Variants in GRIK5 observed in about 807,000 individuals in gnomAD.
GRIK5 encodes the protein glutamate receptor ionotropic, kainate 5.
A neutral mutation model predicts 97.4 loss-of-function variants in GRIK5; 43 were observed. The ratio of observed to expected loss-of-function variants is 0.44; its 90% CI spans 0.35 to 0.57. The LOEUF (loss-of-function observed/expected upper bound fraction) is 0.57, where lower values mean the gene tolerates loss of function less well. GRIK5 is among the 20% of genes least tolerant of loss of function. GRIK5 has a pLI of 0.01. For synonymous variants in GRIK5, 580 were observed against 583.5 expected, an observed-to-expected ratio of 0.99 and a Z score of 0.09; for missense variants, 1,015 against 1,382.0, an observed-to-expected ratio of 0.73 and a Z score of 4.21.
At chr19:42,060,167 A>C (rs757962232) in intron 5 of GRIK5, among the ~76,000 whole-genome samples, 10 of 151,810 alleles carry the variant, frequency 6.6e-5, no homozygotes, top group Non-Finnish European at 1.3e-4. Context: ...AATCTGCCCA[A>C]CTCAACCCCT....
intron 12 of GRIK5, among the ~76,000 whole-genome samples, chr19:42,026,706 T>A (rs2075776191): frequency 6.6e-6 from 1 of 151,868 alleles, no homozygotes; most frequent in Non-Finnish European, 1.5e-5. Context: ...GTAGCTGGGA[T>A]TACAGGTGAA....
intron 12 of GRIK5, among the ~76,000 whole-genome samples, chr19:42,036,450 T>C (rs2075906521): frequency 6.6e-6 from 1 of 151,998 alleles, no homozygotes; most frequent in Non-Finnish European, 1.5e-5. Flanking sequence ...CCTCCCAGAC[T>C]CAGGTGATCC....
Position 41,999,009 on chromosome 19 carries a change from C to T in GRIK5, c.2805G>A (p.Glu935=), listed in dbSNP as rs1471250203. ...CCCGCAGCGCCTGGATGCGCCGGCA[C>T]TCCTGGCAGACGCGCACGTGGGTGC... ...TPCTHVRVCQ[E]CRRIQALRAS... Residue 935 remains glutamate (E), a synonymous_variant, in exon 20 of 20, where the codon GAG becomes GAA. Transcript: ENST00000593562. The surrounding 1 kb of genome is among the most constrained non-coding windows in gnomAD (Gnocchi z 5.0). 1.2e-5 allele frequency: 15 copies of T among 1,234,264 alleles called. No individual in the cohort carries two copies. The highest frequency in any genetic ancestry group is 1.5e-5 in the Non-Finnish European group (15 of 982,962). 76.5% of individuals were successfully genotyped at this position (1,234,264 alleles called of 1,614,324 possible). A position where few individuals can be genotyped will look rare whatever the true frequency, so the allele number is the denominator to read the frequency against.
rs1348802893 is a variant in GRIK5, at chr19:42,069,962, G to A, written c.-772C>T. Among the ~76,000 whole-genome samples the A allele has an allele frequency of 6.6e-6, 1 of 151,844 alleles. No homozygotes were observed. Among genetic ancestry groups the A allele is most frequent in the Admixed American group, 6.5e-5 (1 of 15,280 alleles). ...TAGGGAGGAGGGAGAGGAGGATGGA[G>A]AGGAGCAGGTGGAAGAGAAAGGCGG... On this transcript the variant is annotated 5_prime_UTR_variant, in exon 1 of 20. Transcript: ENST00000593562.
At chr19:42,068,729 G>A (rs759584062) in intron 1 of GRIK5, 4 of 501,532 alleles carry the variant, frequency 8.0e-6, no homozygotes, top group Admixed American at 3.6e-5. Flanking sequence ...GAGCAACCTG[G>A]GCTAACAGCA....
In GRIK5 at chr19:42,065,399, C is replaced by T. The variant is rs376268810; in HGVS notation, c.80-12G>A. Reference sequence around the variant, plus strand: ...ATCCAGGATTGCAGCTGAGGGGACACATGGGTTGGGGACCAGACTCCTGAG... The same window carrying T: ...ATCCAGGATTGCAGCTGAGGGGACATATGGGTTGGGGACCAGACTCCTGAG... On this transcript the variant is annotated splice_polypyrimidine_tract_variant and intron_variant, in intron 2 of 19. Coordinates refer to ENST00000593562, the MANE Select transcript of GRIK5 (RefSeq NM_002088.5). The surrounding 1 kb of genome is among the most constrained non-coding windows in gnomAD (Gnocchi z 5.8). 1.3e-5 allele frequency: 20 copies of T among 1,571,052 alleles called. 1 individual carries two copies. In the African/African-American group the frequency reaches 2.6e-4, roughly 20 times the overall value.
At position 42,056,827 on chromosome 19, in the gene GRIK5, G is replaced by A; in HGVS notation, c.742-4C>T. ...CCAGATGCAGGATGGGGAAGTCCTG[G>A]GACCAGGAAGAGGTGGTGAGGCCTG... is the stretch of plus-strand genomic sequence containing the variant. On this transcript the variant is annotated splice_region_variant and splice_polypyrimidine_tract_variant and intron_variant, in intron 7 of 19. Transcript: ENST00000593562. The A allele has an allele frequency of 6.2e-7, 1 of 1,614,138 alleles. No individual in the cohort carries two copies. Among genetic ancestry groups the A allele is most frequent in the East Asian group, 2.2e-5 (1 of 44,880 alleles).
intron 11 of GRIK5, among the ~76,000 whole-genome samples, chr19:42,046,267 G>A (rs995719988): frequency 3.5e-4 from 53 of 152,062 alleles, no homozygotes; most frequent in Non-Finnish European, 1.0e-4. Flanking sequence ...TCAGGACTGG[G>A]GTCTGAGCTT....
chr19:42,022,432 G>C lies in GRIK5; in HGVS notation c.1474-78C>G. 2 of 1,509,358 alleles carry C rather than the reference G, an allele frequency of 1.3e-6. No homozygotes were observed. Among genetic ancestry groups the C allele is most frequent in the Non-Finnish European group, 1.8e-6 (2 of 1,111,574 alleles). The allele number at this position is 1,509,358 out of a possible 1,614,324, so 93.5% of individuals were successfully genotyped here. A position where few individuals can be genotyped will look rare whatever the true frequency, so the allele number is the denominator to read the frequency against. On this transcript the variant is annotated intron_variant, in intron 12 of 19. Transcript: ENST00000593562. The surrounding 1 kb of genome is among the most constrained non-coding windows in gnomAD (Gnocchi z 4.2). Reference sequence around the variant, plus strand: ...AGTGGACAGTTAGAGAGAAATGCACGGAGAGTGAGCAACTGAGGGAGGCGA... The same window carrying C: ...AGTGGACAGTTAGAGAGAAATGCACCGAGAGTGAGCAACTGAGGGAGGCGA...
Position 42,022,390 on chromosome 19 carries a change from A to C in GRIK5, c.1474-36T>G. The C allele has an allele frequency of 6.4e-7, 1 of 1,566,894 alleles. No individual in the cohort carries two copies. Among genetic ancestry groups the C allele is most frequent in the Non-Finnish European group, 8.8e-7 (1 of 1,141,376 alleles). ...GGAAGCCGGGCAGGGGTGGAGGGGG[A>C]CAGAGGGGAAGACAGAAGTGGACAG... On this transcript the variant is annotated intron_variant, in intron 12 of 19. Coordinates refer to ENST00000593562, the MANE Select transcript of GRIK5 (RefSeq NM_002088.5). This position sits in a 1 kb window ranked among gnomAD's most constrained non-coding sequence, Gnocchi z 4.2.
chr19:42,017,859 A>G (rs952117848), intron 15 of GRIK5, among the ~76,000 whole-genome samples: 2 of 152,134 alleles, frequency 1.3e-5, no homozygotes, highest in African/African-American at 2.4e-5. Context: ...AAAGTTGAGG[A>G]CAATGGCTGC....
intron 1 of GRIK5, among the ~76,000 whole-genome samples, chr19:42,067,737 C>A (rs2146195298): frequency 6.6e-6 from 1 of 152,192 alleles, no homozygotes; most frequent in African/African-American, 2.4e-5. Flanking sequence ...CAGAGATACA[C>A]ACAGAAAGAC....
At position 42,062,624 on chromosome 19, in the gene GRIK5, C is replaced by T. The variant is rs369127460; in HGVS notation, c.372G>A (p.Glu124=). 4.4e-5 allele frequency: 71 copies of T among 1,614,044 alleles called. No individual in the cohort carries two copies. Among genetic ancestry groups the T allele is most frequent in the African/African-American group, 8.0e-5 (6 of 74,920 alleles). The change falls in exon 5 of 20, where the codon GAG becomes GAA. Residue 124 remains glutamate (E), a synonymous_variant. Coordinates refer to ENST00000593562, the MANE Select transcript of GRIK5 (RefSeq NM_002088.5). The surrounding 1 kb of genome is among the most constrained non-coding windows in gnomAD (Gnocchi z 5.3). ...AGCGAAGGTACTGAAGGCGGGGTGT[C>T]TCCTCGGGACCCACCTTGATGTGGG... ...EIPHIKVGPE[E]TPRLQYLRFA...
rs1376107764 is a variant in GRIK5, at chr19:41,999,918, T to A, written c.2515-619A>T. 1.3e-5 allele frequency among the ~76,000 whole-genome samples: 2 copies of A among 152,170 alleles called. No homozygotes were observed. The highest frequency in any genetic ancestry group is 2.9e-5 in the Non-Finnish European group (2 of 68,030). ...ACAGGACAGTCAAGGAAGACCTCAC[T>A]GAGAGAAGGATCCTTAAATAAAGAC... On this transcript the variant is annotated intron_variant, in intron 19 of 19. Coordinates refer to ENST00000593562, the MANE Select transcript of GRIK5 (RefSeq NM_002088.5). This position sits in a 1 kb window ranked among gnomAD's most constrained non-coding sequence, Gnocchi z 5.0.
chr19:42,043,035 T>C, intron 11 of GRIK5: 1 of 512,368 alleles, frequency 2.0e-6, no homozygotes, highest in Non-Finnish European at 3.5e-6. Context: ...CTCAAATGCG[T>C]ATGAGGGAGG....
chr19:42,001,095 C>T (rs564589943), intron 19 of GRIK5, among the ~76,000 whole-genome samples: 20 of 152,278 alleles, frequency 1.3e-4, no homozygotes, highest in Non-Finnish European at 2.2e-4. Context: ...TCTTCCTGAC[C>T]TAAATCAACC....
chr19:42,003,718 G>T lies in GRIK5; in HGVS notation c.2264-35C>A, dbSNP rs879999860. 8 of 1,575,980 alleles carry T rather than the reference G, an allele frequency of 5.1e-6. No homozygotes were observed. The highest frequency in any genetic ancestry group is 5.2e-6 in the Non-Finnish European group (6 of 1,160,860). Reference sequence around the variant, plus strand: ...CACACGAGGGGCTGGACCAGCCATCGGGCCCTGCAGCCCTGACCGCCCCAA... The same window carrying T: ...CACACGAGGGGCTGGACCAGCCATCTGGCCCTGCAGCCCTGACCGCCCCAA... On this transcript the variant is annotated intron_variant, in intron 17 of 19. Transcript: ENST00000593562. The surrounding 1 kb of genome is among the most constrained non-coding windows in gnomAD (Gnocchi z 4.2).
At chr19:42,067,251 G>A (rs1396487168) in intron 1 of GRIK5, among the ~76,000 whole-genome samples, 1 of 152,226 alleles carries the variant, frequency 6.6e-6, no homozygotes, top group African/African-American at 2.4e-5. Context: ...TGAGAACTTC[G>A]AGGGAAGGAT....
chr19:42,054,268 C>T, intron 9 of GRIK5, 52 bp downstream of exon 9: 2 of 1,569,758 alleles, frequency 1.3e-6, no homozygotes, highest in East Asian at 4.5e-5. Context: ...TGAGCGCTCC[C>T]ACCTGAGGTG....
Sources: gnomAD v4.1 joint callset for allele counts (sites outside exome capture counted in the v4.1 genomes callset) on GRCh38, gnomAD v4.1.1 for gene constraint, Gnocchi (gnomAD v3.1) non-coding constraint, MANE v1.5 for transcripts, NCBI Gene and HGNC (gene_info 2026-07-23, HGNC 2026-07-21) for gene names.